MTHFS: variants seen among roughly 807,000 people sequenced by gnomAD.
The protein encoded by MTHFS is methenyltetrahydrofolate synthetase.
MTHFS carries 7 observed loss-of-function variants against 12.7 expected under a neutral mutation model. The ratio of observed to expected loss-of-function variants is 0.55; its 90% CI spans 0.31 to 1.03. The LOEUF is 1.03. Ranked by LOEUF, MTHFS falls within the 50% of genes least tolerant of loss-of-function variation. MTHFS has a pLI of 0.05. For missense variants in MTHFS, 252 were observed against 258.1 expected (o/e 0.98, Z 0.16); for synonymous variants, 100 against 97.1 (o/e 1.03, Z -0.18).
At chr15:79,847,158 A>G (rs1175265172) in intron 2 of MTHFS, among the ~76,000 whole-genome samples, 1 of 152,202 alleles carries the variant, frequency 6.6e-6, no homozygotes, top group Non-Finnish European at 1.5e-5. Flanking sequence ...GATGTGTCAG[A>G]GTTGGGTCTA....
chr15:79,845,599 GGAAATAAAAC>G (rs1024954721), intron 2 of MTHFS, among the ~76,000 whole-genome samples, 157 bp from the exon 3 acceptor site: 2 of 152,270 alleles, frequency 1.3e-5, no homozygotes, highest in African/African-American at 4.8e-5. Flanking sequence ...GGACAAAAAA[GGAAATAAAAC>G]GTACTCAGCA....
intron 2 of MTHFS, among the ~76,000 whole-genome samples, chr15:79,865,191 G>T (rs575773527): frequency 1.3e-5 from 2 of 152,272 alleles, no homozygotes; most frequent in East Asian, 3.9e-4. Context: ...ACAAGAAAAC[G>T]AAGTGGAAAT....
At chr15:79,870,900 T>A (rs537566308) in intron 2 of MTHFS, among the ~76,000 whole-genome samples, 1 of 152,214 alleles carries the variant, frequency 6.6e-6, no homozygotes, top group East Asian at 1.9e-4. Flanking sequence ...CCCAGCACTT[T>A]GGGAGGCCAA....
At chr15:79,846,137 C>A (rs1742337585) in intron 2 of MTHFS, among the ~76,000 whole-genome samples, 1 of 152,180 alleles carries the variant, frequency 6.6e-6, no homozygotes, top group Admixed American at 6.5e-5. Flanking sequence ...GGGTGGGAGG[C>A]AGGGTCCTGG....
At chr15:79,853,773 T>G (rs989475577) in intron 2 of MTHFS, among the ~76,000 whole-genome samples, 1 of 152,242 alleles carries the variant, frequency 6.6e-6, no homozygotes, top group African/African-American at 2.4e-5. Flanking sequence ...GATGGCTCAC[T>G]GAAATACAGT....
chr15:79,864,028 C>T (rs562260672), intron 2 of MTHFS, among the ~76,000 whole-genome samples: 4 of 152,302 alleles, frequency 2.6e-5, no homozygotes, highest in Admixed American at 2.0e-4. Context: ...AGCATGCCTT[C>T]GGGGAAAGCA....
At chr15:79,849,700 A>G (rs755783323) in intron 2 of MTHFS, among the ~76,000 whole-genome samples, 24 of 152,272 alleles carry the variant, frequency 1.6e-4, no homozygotes, top group Non-Finnish European at 2.4e-4. Flanking sequence ...AATGTGCAAG[A>G]GCCAACCTGC....
intron 2 of MTHFS, among the ~76,000 whole-genome samples, chr15:79,866,409 A>T (rs972173716): frequency 7.2e-5 from 11 of 152,208 alleles, no homozygotes; most frequent in African/African-American, 2.7e-4. Context: ...GCAGTGAGAA[A>T]GAGTGTCCTG....
chr15:79,896,876 T>C lies in MTHFS; in HGVS notation c.113A>G (p.Gln38Arg), dbSNP rs1386414287. 9.7e-6 allele frequency: 15 copies of C among 1,542,934 alleles called. No individual in the cohort carries two copies. The highest frequency in any genetic ancestry group is 1.7e-4 in the Middle Eastern group (1 of 5,982). ...ERLRQSRVLSQKVIAHSEYQK... is the reference protein window; with the variant it reads ...ERLRQSRVLSRKVIAHSEYQK... ...CCGCTACGGGCGGCCTCGCACCTTC[T>C]GGCTCAGTACGCGGGACTGGCGTAG... Residue 38 changes from glutamine to arginine, a missense_variant, in exon 1 of 3, where the codon CAG becomes CGG. By Grantham distance (43) the Gln-to-Arg change is conservative. Transcript: ENST00000258874.
intron 1 of MTHFS, 129 bp from the exon 2 acceptor site, chr15:79,889,483 G>A (rs1056848023): frequency 1.5e-6 from 2 of 1,342,592 alleles, no homozygotes; most frequent in African/African-American, 3.0e-5. Flanking sequence ...AAGGGGGGGG[G>A]ACCAGAGTGA....
chr15:79,871,599 C>T (rs763730102), intron 2 of MTHFS, among the ~76,000 whole-genome samples: 2 of 150,366 alleles, frequency 1.3e-5, no homozygotes, highest in Non-Finnish European at 3.0e-5. Context: ...TTATAATTAA[C>T]GATTCATTTG....
chr15:79,844,589 A>G lies in MTHFS; in HGVS notation c.*621T>C, dbSNP rs1416115534. On this transcript the variant is annotated 3_prime_UTR_variant, in exon 3 of 3. Coordinates refer to ENST00000258874, the MANE Select transcript of MTHFS (RefSeq NM_006441.4). The stretch of plus-strand genomic sequence containing the variant: ...TAACTTATAAGATACTAGATCTTAA[A>G]CTCATCAAGGGCTGATACATGCAGT... Among the ~76,000 whole-genome samples the G allele has an allele frequency of 6.6e-6, 1 of 152,200 alleles. No individual in the cohort carries two copies.
chr15:79,856,820 G>A (rs1424025494), intron 2 of MTHFS, among the ~76,000 whole-genome samples: 1 of 152,120 alleles, frequency 6.6e-6, no homozygotes, highest in Non-Finnish European at 1.5e-5. Context: ...ATTTAGGGAA[G>A]AGTCTAGAGG....
chr15:79,880,307 C>G (rs2034275007), intron 2 of MTHFS, among the ~76,000 whole-genome samples: 1 of 152,002 alleles, frequency 6.6e-6, no homozygotes, highest in Admixed American at 6.6e-5. Flanking sequence ...GTCTCGATCT[C>G]CTGACCTTGT....
At chr15:79,864,081 G>T (rs2033963079) in intron 2 of MTHFS, among the ~76,000 whole-genome samples, 1 of 152,218 alleles carries the variant, frequency 6.6e-6, no homozygotes, top group East Asian at 1.9e-4. Flanking sequence ...ACTGTGGCAT[G>T]CCCATAAATA....
chr15:79,866,728 A>G (rs1284447053), intron 2 of MTHFS, among the ~76,000 whole-genome samples: 1 of 152,212 alleles, frequency 6.6e-6, no homozygotes, highest in Non-Finnish European at 1.5e-5. Context: ...AGGTGGGTGG[A>G]TCACCTGAGG....
intron 2 of MTHFS, among the ~76,000 whole-genome samples, chr15:79,848,583 T>C (rs2033660362): frequency 6.6e-6 from 1 of 152,040 alleles, no homozygotes; most frequent in African/African-American, 2.4e-5. Flanking sequence ...CCAGATACAA[T>C]ACACAAGAAA....
intron 2 of MTHFS, among the ~76,000 whole-genome samples, chr15:79,868,722 C>T (rs1167148662): frequency 2.0e-5 from 3 of 152,224 alleles, no homozygotes; most frequent in Non-Finnish European, 2.9e-5. Flanking sequence ...AGAATTTACA[C>T]CATAGGCTCC....
At chr15:79,873,183 A>T (rs2034136229) in intron 2 of MTHFS, among the ~76,000 whole-genome samples, 1 of 152,068 alleles carries the variant, frequency 6.6e-6, no homozygotes, top group African/African-American at 2.4e-5. Context: ...CCAGCTATAG[A>T]TATATGATGT....
Sources: gnomAD v4.1 joint callset for allele counts (sites outside exome capture counted in the v4.1 genomes callset) on GRCh38, gnomAD v4.1.1 for gene constraint, MANE v1.5 for transcripts, NCBI Gene and HGNC (gene_info 2026-07-23, HGNC 2026-07-21) for gene names.